The following NTRK2 variants were observed in gnomAD, a reference collection of about 807,000 sequenced individuals.
The protein encoded by NTRK2 is BDNF/NT-3 growth factors receptor.
NTRK2 carries 13 observed loss-of-function variants against 94.5 expected under a neutral mutation model. That is an observed-to-expected ratio of 0.14 (90% CI 0.09 to 0.22). NTRK2 has a LOEUF of 0.22. Ranked by LOEUF, NTRK2 falls within the 10% of genes least tolerant of loss-of-function variation. The pLI is 1.00. For synonymous variants in NTRK2, 372 were observed against 407.4 expected (o/e 0.91, Z 1.05); for missense variants, 639 against 1,071.2 (o/e 0.60, Z 5.63).
intron 14 of NTRK2, among the ~76,000 whole-genome samples, chr9:84,870,757 T>C (rs1377337199): frequency 6.6e-6 from 1 of 152,134 alleles, no homozygotes; most frequent in African/African-American, 2.4e-5. Context: ...ACACTTTCAA[T>C]GTGCTTACAG....
intron 12 of NTRK2, among the ~76,000 whole-genome samples, chr9:84,766,914 G>A (rs2066090715): frequency 6.6e-6 from 1 of 151,984 alleles, no homozygotes; most frequent in African/African-American, 2.4e-5. Context: ...TCAATATACA[G>A]AAAACACCTG....
At chr9:84,916,946 A>C (rs904833966) in intron 14 of NTRK2, among the ~76,000 whole-genome samples, 1 of 152,136 alleles carries the variant, frequency 6.6e-6, no homozygotes, top group Non-Finnish European at 1.5e-5. Flanking sequence ...AATTGTTGCT[A>C]ATTAGTTAGG....
chr9:84,946,929 T>A (rs573316731), intron 15 of NTRK2, among the ~76,000 whole-genome samples: 2 of 152,252 alleles, frequency 1.3e-5, no homozygotes, highest in South Asian at 4.1e-4. Flanking sequence ...TCCTCTCTGA[T>A]CTTCTGTCCT....
At chr9:84,962,949 G>C (rs939388036) in intron 17 of NTRK2, among the ~76,000 whole-genome samples, 1 of 152,226 alleles carries the variant, frequency 6.6e-6, no homozygotes, top group Admixed American at 6.5e-5. Flanking sequence ...CAGATAAGGG[G>C]TTGTTTTACT....
At chr9:84,969,269 T>C (rs1007586644) in intron 17 of NTRK2, among the ~76,000 whole-genome samples, 1 of 152,224 alleles carries the variant, frequency 6.6e-6, no homozygotes, top group Non-Finnish European at 1.5e-5. Flanking sequence ...TTGGAGTTGG[T>C]CCAGAACGAT....
intron 14 of NTRK2, among the ~76,000 whole-genome samples, chr9:84,896,937 A>G (rs1321908315): frequency 6.6e-6 from 1 of 152,146 alleles, no homozygotes; most frequent in Non-Finnish European, 1.5e-5. Flanking sequence ...GGGGAGGTAG[A>G]CCACCTTCCC....
chr9:84,892,724 C>A (rs897508413), intron 14 of NTRK2, among the ~76,000 whole-genome samples: 3 of 152,178 alleles, frequency 2.0e-5, no homozygotes, highest in Non-Finnish European at 4.4e-5. Context: ...AGTTCAGGAC[C>A]AGCCTGGCCA....
chr9:84,896,702 G>T (rs2076768190), intron 14 of NTRK2, among the ~76,000 whole-genome samples: 1 of 152,110 alleles, frequency 6.6e-6, no homozygotes, highest in African/African-American at 2.4e-5. Flanking sequence ...ATACATAAAT[G>T]ACCTCGTACC....
chr9:85,012,873 T>C (rs1255030152), intron 17 of NTRK2, among the ~76,000 whole-genome samples: 1 of 152,234 alleles, frequency 6.6e-6, no homozygotes, highest in Admixed American at 6.5e-5. Flanking sequence ...TATTGAATGA[T>C]GTAAAAAGTA....
At chr9:84,777,225 G>T (rs2067134638) in intron 12 of NTRK2, among the ~76,000 whole-genome samples, 1 of 152,126 alleles carries the variant, frequency 6.6e-6, no homozygotes, top group Non-Finnish European at 1.5e-5. Context: ...TCCTAGTGTT[G>T]GTTGTCCCAT....
intron 14 of NTRK2, among the ~76,000 whole-genome samples, chr9:84,888,417 T>A (rs964641285): frequency 6.6e-6 from 1 of 151,468 alleles, no homozygotes; most frequent in Non-Finnish European, 1.5e-5. Flanking sequence ...GAGACCATCC[T>A]GGCCAACATG....
chr9:84,867,267 A>C lies in NTRK2; in HGVS notation c.1469A>C (p.Asp490Ala). The change falls in exon 14 of 19, where the codon GAT (aspartate) becomes GCT (alanine). Residue 490 changes from aspartate to alanine, a missense_variant. Asp to Ala is a moderately radical substitution (Grantham distance 126). Coordinates refer to ENST00000277120, the MANE Select transcript of NTRK2 (RefSeq NM_006180.6). ...GGCCCAGCCTCCGTTATCAGCAATG[A>C]TGATGACTCTGCCAGCCCACTCCAT... ...GVGPASVISNDDDSASPLHHI... is the reference protein window; with the variant it reads ...GVGPASVISNADDSASPLHHI... 1 of 1,614,082 alleles carries C rather than the reference A, an allele frequency of 6.2e-7. No individual in the cohort carries two copies. Among genetic ancestry groups the C allele is most frequent in the Non-Finnish European group, 8.5e-7 (1 of 1,179,942 alleles).
chr9:84,720,449 T>A (rs1375553578), intron 6 of NTRK2, among the ~76,000 whole-genome samples: 1 of 152,182 alleles, frequency 6.6e-6, no homozygotes, highest in Non-Finnish European at 1.5e-5. Context: ...AGAGCATTAT[T>A]TGAATAATTT....
chr9:84,891,270 T>C (rs765675138), intron 14 of NTRK2, among the ~76,000 whole-genome samples: 2 of 134,122 alleles, frequency 1.5e-5, no homozygotes, highest in Non-Finnish European at 3.1e-5. Context: ...TCCGAAAGCT[T>C]AGGTTCTAGA....
rs1186504289 is a variant in NTRK2, at chr9:85,021,368, C to A, written c.2448C>A (p.Ile816=). The change falls in exon 19 of 19, where the codon ATC becomes ATA. Residue 816 remains isoleucine, a synonymous_variant. Transcript: ENST00000277120. ...WQREPHMRKN[I]KGIHTLLQNL... is the part of the protein sequence containing the mutation. ...GAGAGCCCCACATGAGGAAGAACAT[C>A]AAGGGCATCCATACCCTCCTTCAGA... 1 of 1,614,170 alleles carries A rather than the reference C, an allele frequency of 6.2e-7. No homozygotes were observed. The highest frequency in any genetic ancestry group is 1.1e-5 in the South Asian group (1 of 91,080).
intron 12 of NTRK2, among the ~76,000 whole-genome samples, chr9:84,800,889 GGGGCCACTCTTTCAGTTT>G (rs1035469275): frequency 6.6e-6 from 1 of 152,016 alleles, no homozygotes; most frequent in African/African-American, 2.4e-5. Context: ...TTGGAATTTT[GGGGCCACTCTTTCAGTTT>G]GGGCCACCCT....
chr9:84,777,598 A>T (rs184946569), intron 12 of NTRK2, among the ~76,000 whole-genome samples: 67 of 152,342 alleles, frequency 4.4e-4, no homozygotes, highest in African/African-American at 1.5e-3. Flanking sequence ...TATGCTGAGA[A>T]ATGTTCAGGA....
intron 9 of NTRK2, among the ~76,000 whole-genome samples, chr9:84,734,914 AGTCTT>A (rs1318849559): frequency 3.3e-5 from 5 of 152,174 alleles, no homozygotes; most frequent in African/African-American, 4.8e-5. Flanking sequence ...AGGGTGGGTC[AGTCTT>A]AGATCTTTCT....
At chr9:84,960,829 T>G (rs952500826) in intron 17 of NTRK2, among the ~76,000 whole-genome samples, 6 of 152,178 alleles carry the variant, frequency 3.9e-5, no homozygotes, top group Admixed American at 3.3e-4. Context: ...AGAAGATAAG[T>G]CTTACACATC....
Sources: gnomAD v4.1 joint callset for allele counts (sites outside exome capture counted in the v4.1 genomes callset) on GRCh38, gnomAD v4.1.1 for gene constraint, MANE v1.5 for transcripts, NCBI Gene and HGNC (gene_info 2026-07-23, HGNC 2026-07-21) for gene names.